Variants in OSBPL1A observed in about 807,000 individuals in gnomAD.
OSBPL1A encodes the protein oxysterol binding protein like 1A.
A neutral mutation model predicts 137.1 loss-of-function variants in OSBPL1A; 80 were observed. That is an observed-to-expected ratio of 0.58 (90% CI 0.49 to 0.70). The LOEUF is 0.70. OSBPL1A is among the 30% of genes least tolerant of loss of function. The pLI, the probability that OSBPL1A is intolerant of heterozygous loss-of-function variation, is 0.00. For missense variants in OSBPL1A, 970 were observed against 1,129.4 expected, an observed-to-expected ratio of 0.86 and a Z score of 2.02; for synonymous variants, 365 against 389.7, an observed-to-expected ratio of 0.94 and a Z score of 0.75.
At chr18:24,286,000 T>C (rs1288483080) in intron 14 of OSBPL1A, among the ~76,000 whole-genome samples, 1 of 151,940 alleles carries the variant, frequency 6.6e-6, no homozygotes, top group Non-Finnish European at 1.5e-5. Flanking sequence ...CCACTACAAA[T>C]ACAAAAATTA....
At chr18:24,393,492 G>A (rs1015869684) in intron 1 of OSBPL1A, among the ~76,000 whole-genome samples, 3 of 151,832 alleles carry the variant, frequency 2.0e-5, no homozygotes, top group South Asian at 4.2e-4. Flanking sequence ...TCGCTCTGTC[G>A]CCTAGGCTGG....
At position 24,330,159 on chromosome 18, in the gene OSBPL1A, C is replaced by T. The variant is rs143239243; in HGVS notation, c.625+2783G>A. ...CTCCTTGAAAATAAAAAGTTCAGGT[C>T]CTAATCACCTCTCACCCAAGACCAT... On this transcript the variant is annotated intron_variant, in intron 7 of 27. Coordinates refer to ENST00000319481, the MANE Select transcript of OSBPL1A (RefSeq NM_080597.4). Among the ~76,000 whole-genome samples, 1,058 of 152,116 alleles carry T rather than the reference C, an allele frequency of 7.0e-3. 12 individuals are homozygous for T. Among genetic ancestry groups the T allele is most frequent in the African/African-American group, 0.024 (994 of 41,508 alleles).
At chr18:24,213,757 G>A (rs1409473950) in intron 17 of OSBPL1A, among the ~76,000 whole-genome samples, 1 of 152,132 alleles carries the variant, frequency 6.6e-6, no homozygotes, top group African/African-American at 2.4e-5. Flanking sequence ...TTTTACAAGA[G>A]GTTTTACTTG....
At chr18:24,381,955 C>T (rs1906615935) in intron 1 of OSBPL1A, among the ~76,000 whole-genome samples, 1 of 150,724 alleles carries the variant, frequency 6.6e-6, no homozygotes, top group African/African-American at 2.4e-5. Context: ...AGGGAGACTC[C>T]ACCTCAAAAA....
intron 1 of OSBPL1A, among the ~76,000 whole-genome samples, chr18:24,387,606 G>C (rs1016236735): frequency 1.3e-5 from 2 of 151,800 alleles, no homozygotes; most frequent in African/African-American, 2.4e-5. Context: ...AAAGAGATGG[G>C]GACTCGCTTT....
intron 1 of OSBPL1A, among the ~76,000 whole-genome samples, chr18:24,396,775 C>A (rs1002902416): frequency 2.0e-5 from 3 of 152,110 alleles, no homozygotes; most frequent in African/African-American, 7.2e-5. Flanking sequence ...ATACTTCTAC[C>A]CCTCAAAACG....
In OSBPL1A at chr18:24,298,439, C is replaced by CG. The variant is rs1424503935; in HGVS notation, c.1174+5197dup. 3.3e-5 allele frequency among the ~76,000 whole-genome samples: 5 copies of CG among 152,296 alleles called. No homozygotes were observed. In the South Asian group the frequency reaches 6.2e-4, roughly 19 times the overall value. On this transcript the variant is annotated intron_variant, in intron 14 of 27. Transcript: ENST00000319481. ...TTGGCTCACTGCAACCTCTACCCCC[C>CG]GGGTTCAAGCGATTCTCCTGCCTCA...
chr18:24,199,153 C>T (rs1174708242), intron 17 of OSBPL1A, among the ~76,000 whole-genome samples: 1 of 152,136 alleles, frequency 6.6e-6, no homozygotes, highest in Non-Finnish European at 1.5e-5. Flanking sequence ...GCCACCACAC[C>T]TGGCCCAGGT....
chr18:24,386,897 C>A (rs1241546182), intron 1 of OSBPL1A, among the ~76,000 whole-genome samples: 1 of 152,096 alleles, frequency 6.6e-6, no homozygotes, highest in Admixed American at 6.6e-5. Flanking sequence ...GTCAAAGCTA[C>A]AGTGAGCCAT....
rs955885025 is a variant in OSBPL1A at position 24,271,026 on chromosome 18, C to G, written c.1281+9816G>C. Among the ~76,000 whole-genome samples the G allele has an allele frequency of 6.6e-6, 1 of 152,200 alleles. No individual in the cohort carries two copies. Among genetic ancestry groups the G allele is most frequent in the African/African-American group, 2.4e-5 (1 of 41,514 alleles). On this transcript the variant is annotated intron_variant, in intron 15 of 27. Transcript: ENST00000319481. The surrounding 1 kb of genome is among the most constrained non-coding windows in gnomAD (Gnocchi z 4.0). ...TCTGAATGCTAGGAAACGTGATTCC[C>G]CGCTGGTTTAGGCTACAAAGAAAGC...
At chr18:24,260,757 C>T (rs930848247) in intron 15 of OSBPL1A, among the ~76,000 whole-genome samples, 3 of 151,046 alleles carry the variant, frequency 2.0e-5, no homozygotes, top group Non-Finnish European at 4.4e-5. Flanking sequence ...TGTATTAATG[C>T]CACTGAATTG....
chr18:24,173,979 C>T (rs952159221), intron 21 of OSBPL1A, among the ~76,000 whole-genome samples: 2 of 152,150 alleles, frequency 1.3e-5, no homozygotes, highest in African/African-American at 2.4e-5. Flanking sequence ...CTTTTCCAGA[C>T]GTCATATAAA....
chr18:24,394,397 T>C (rs1345121114), intron 1 of OSBPL1A, among the ~76,000 whole-genome samples: 3 of 152,350 alleles, frequency 2.0e-5, no homozygotes, highest in East Asian at 1.9e-4. Context: ...AAAATAACTT[T>C]GGTGCTATAA....
chr18:24,314,179 T>G, intron 12 of OSBPL1A, 70 bp downstream of exon 12: 1 of 980,762 alleles, frequency 1.0e-6, no homozygotes. Flanking sequence ...CCACTGAACC[T>G]ATGTTATATT....
At chr18:24,165,673 T>C (rs1183170467) in intron 26 of OSBPL1A, among the ~76,000 whole-genome samples, 1 of 152,210 alleles carries the variant, frequency 6.6e-6, no homozygotes, top group East Asian at 1.9e-4. Flanking sequence ...GCAGCATCCA[T>C]GGCCTGCAGA....
chr18:24,392,682 C>T (rs751893525), intron 1 of OSBPL1A, among the ~76,000 whole-genome samples: 10 of 152,192 alleles, frequency 6.6e-5, no homozygotes, highest in African/African-American at 1.2e-4. Flanking sequence ...CTTAGCCCTG[C>T]GCTCCAAAGT....
intron 15 of OSBPL1A, 26 bp downstream of exon 15, chr18:24,280,816 T>C (rs1337604600): frequency 1.4e-6 from 2 of 1,476,024 alleles, no homozygotes; most frequent in Non-Finnish European, 1.8e-6. Context: ...ACAATTATTT[T>C]ACAAATTCAA....
intron 7 of OSBPL1A, 60 bp from the exon 8 acceptor site, chr18:24,318,869 GCTGTA>G: frequency 2.2e-6 from 3 of 1,338,338 alleles, no homozygotes; most frequent in Non-Finnish European, 2.1e-6. Flanking sequence ...GACAATCAAT[GCTGTA>G]ACTGCAGCAT....
intron 4 of OSBPL1A, among the ~76,000 whole-genome samples, chr18:24,342,972 T>C (rs573277322): frequency 2.9e-4 from 44 of 152,214 alleles, no homozygotes; most frequent in African/African-American, 9.6e-4. Flanking sequence ...ACATTTTCTA[T>C]CATCTTAAAG....
Sources: allele counts gnomAD v4.1 joint callset (sites outside exome capture counted in the v4.1 genomes callset), GRCh38; gene constraint gnomAD v4.1.1; non-coding constraint Gnocchi (gnomAD v3.1); transcripts MANE v1.5; gene names NCBI Gene and HGNC (gene_info 2026-07-23, HGNC 2026-07-21).